The following ZNF799 variants were observed in gnomAD, a reference collection of about 807,000 sequenced individuals.
ZNF799 encodes zinc finger protein 14.
Under a neutral mutation model 41.0 loss-of-function variants are expected in ZNF799, and 28 were observed. The ratio of observed to expected loss-of-function variants is 0.68; its 90% CI spans 0.51 to 0.94. The LOEUF (loss-of-function observed/expected upper bound fraction) is 0.94. ZNF799 is among the 40% of genes least tolerant of loss of function. The pLI is 0.00. For synonymous variants in ZNF799, 213 were observed against 252.9 expected, an observed-to-expected ratio of 0.84 and a Z score of 1.50; for missense variants, 716 against 764.3, an observed-to-expected ratio of 0.94 and a Z score of 0.74.
Position 12,391,191 on chromosome 19 carries a change from C to T in ZNF799, c.1207G>A (p.Val403Ile), listed in dbSNP as rs1231635100. 3 of 1,614,130 alleles carry T rather than the reference C, an allele frequency of 1.9e-6. No homozygotes were observed. The highest frequency in any genetic ancestry group is 1.7e-5 in the Admixed American group (1 of 60,028). ...TGCCTTTGAAATACACTGGGATAAA[C>T]AAAGGCTTTCCCACATATCTTGCAT... ...HKCKICGKAF[V>I]YPSVFQRHEK... Residue 403 changes from valine (V) to isoleucine (I), a missense_variant, in exon 4 of 4, where the codon GTT (valine) becomes ATT (isoleucine). Physicochemically the swap from Val to Ile is conservative, Grantham distance 29 (BLOSUM62 3). This residue lies in a region of ZNF799 where 698 missense variants were observed against 713.6 expected (regional missense o/e 0.98). Transcript: ENST00000430385.
rs1321025182 is a variant in ZNF799 at position 12,390,941 on chromosome 19, C to A, written c.1457G>T (p.Ser486Ile). 1.2e-6 allele frequency: 2 copies of A among 1,612,982 alleles called. No individual in the cohort carries two copies. Among genetic ancestry groups the A allele is most frequent in the South Asian group, 1.1e-5 (1 of 91,008 alleles). The change falls in exon 4 of 4, where the codon AGT (serine) becomes ATT (isoleucine). Residue 486 changes from serine to isoleucine, a missense_variant. Ser to Ile is a moderately radical substitution (Grantham distance 142, BLOSUM62 -2). Coordinates refer to ENST00000430385, the MANE Select transcript of ZNF799 (RefSeq NM_001080821.3). The part of the protein sequence containing the change: ...YECKECGKAF[S>I]CFQYLSQHRR... ...ATGTTGAGAAAGGTATTGGAAACAA[C>A]TGAATGCTTTCCCACATTCCTTACA...
chr19:12,391,100 G>A lies in ZNF799; in HGVS notation c.1298C>T (p.Ser433Phe). The A allele has an allele frequency of 1.2e-6, 2 of 1,614,158 alleles. No individual in the cohort carries two copies. The highest frequency in any genetic ancestry group is 1.7e-6 in the Non-Finnish European group (2 of 1,180,012). ...CKQCGKAYRI[S>F]SSLRRHETTH... Reference sequence around the variant, plus strand: ...TGTTTCATGCCTTCGAAGAGAACTGGAAATACGGTAGGCTTTGCCACATTG... The same window carrying A: ...TGTTTCATGCCTTCGAAGAGAACTGAAAATACGGTAGGCTTTGCCACATTG... Residue 433 changes from serine (S) to phenylalanine (F), a missense_variant, in exon 4 of 4, where the codon TCC becomes TTC. By Grantham distance (155) the Ser-to-Phe change is radical. Around this residue, in one of 2 missense-constraint regions of ZNF799, gnomAD observed 698 missense variants for 713.6 expected, o/e 0.98. Coordinates refer to ENST00000430385, the MANE Select transcript of ZNF799 (RefSeq NM_001080821.3).
Position 12,393,232 on chromosome 19 carries a change from CA to C in ZNF799, c.130+64del. On this transcript the variant is annotated intron_variant, in intron 2 of 3. Transcript: ENST00000430385. ...CCTTTCCATATTCCAAATCTTTGAA[CA>C]GCACGAATGACCAAGAAACAAATGT... The C allele has an allele frequency of 3.7e-5, 33 of 902,126 alleles. 10 individuals carry two copies. Among genetic ancestry groups the C allele is most frequent in the Non-Finnish European group, 5.5e-5 (32 of 583,360 alleles). 55.9% of individuals were successfully genotyped at this position (902,126 alleles called of 1,614,324 possible).
At chr19:12,394,210 C>T (rs184461297) in intron 1 of ZNF799, 2 of 152,336 alleles carry the variant, frequency 1.3e-5, no homozygotes, top group African/African-American at 4.8e-5. Context: ...CTGAGCTAGA[C>T]ACTCAGCTCC....
Position 12,390,400 on chromosome 19 carries a change from A to T in ZNF799, c.*66T>A, listed in dbSNP as rs995631402. On this transcript the variant is annotated 3_prime_UTR_variant, in exon 4 of 4. Coordinates refer to ENST00000430385, the MANE Select transcript of ZNF799 (RefSeq NM_001080821.3). ...AGGGTCTATCTCCAATGTGTTTCGT[A>T]CAAGTATCTGAAATGAAATAAAATT... 5 of 1,603,954 alleles carry T rather than the reference A, an allele frequency of 3.1e-6. No individual in the cohort carries two copies. The highest frequency in any genetic ancestry group is 2.7e-5 in the African/African-American group (2 of 74,382).
At chr19:12,402,416 C>CTTTTTTTTTTTTTTTT (rs745521629), upstream of ZNF799, among the ~76,000 whole-genome samples, 5 of 125,032 alleles carry the variant, frequency 4.0e-5, no homozygotes, top group Admixed American at 8.8e-5. Context: ...CCCTTTATTT[C>CTTTTTTTTTTTTTTTT]TTTTTTTTTT....
chr19:12,401,821 A>T (rs1969993675), upstream of ZNF799, among the ~76,000 whole-genome samples: 1 of 151,834 alleles, frequency 6.6e-6, no homozygotes, highest in African/African-American at 2.4e-5. Flanking sequence ...TGATCCGCCC[A>T]CCTTGGCCTC....
chr19:12,397,263 T>C (rs1158610397), intron 1 of ZNF799, among the ~76,000 whole-genome samples: 1 of 152,008 alleles, frequency 6.6e-6, no homozygotes, highest in Admixed American at 6.6e-5. Flanking sequence ...AATAAAATGT[T>C]AAGAAACAAC....
chr19:12,392,292 C>G, intron 3 of ZNF799, 86 bp from the exon 4 acceptor site: 1 of 1,503,848 alleles, frequency 6.6e-7, no homozygotes, highest in African/African-American at 1.4e-5. Flanking sequence ...ACATTTTTAA[C>G]ACTATCATGC....
rs373387526 is a variant in ZNF799 at position 12,401,075 on chromosome 19, C to G, written c.-5G>C. On this transcript the variant is annotated 5_prime_UTR_variant, in exon 1 of 4. Coordinates refer to ENST00000430385, the MANE Select transcript of ZNF799 (RefSeq NM_001080821.3). ...CCGGCCCAGCACACGCACCATTTCC[C>G]GACTTCCGCGGTGTCCCAGGTCCTC... 2 of 1,613,862 alleles carry G rather than the reference C, an allele frequency of 1.2e-6. No homozygotes were observed. Among genetic ancestry groups the G allele is most frequent in the African/African-American group, 1.3e-5 (1 of 74,950 alleles).
upstream of ZNF799, among the ~76,000 whole-genome samples, chr19:12,405,003 G>T (rs759630663): frequency 5.3e-5 from 8 of 152,122 alleles, no homozygotes; most frequent in Non-Finnish European, 1.0e-4. Context: ...TCAGCTGCCA[G>T]CGAATATAAA....
intron 1 of ZNF799, among the ~76,000 whole-genome samples, chr19:12,400,134 T>TGA (rs1290519351): frequency 6.6e-6 from 1 of 152,040 alleles, no homozygotes; most frequent in Non-Finnish European, 1.5e-5. Flanking sequence ...GGAGTCAGGA[T>TGA]GAGAGAACAC....
rs1040331817 is a variant in ZNF799, at chr19:12,393,704, T to C, written c.4-281A>G. 9 of 1,224,924 alleles carry C rather than the reference T, an allele frequency of 7.3e-6. No individual in the cohort carries two copies. In the Admixed American group the frequency reaches 1.5e-4, roughly 20 times the overall value. 75.9% of individuals were successfully genotyped at this position (1,224,924 alleles called of 1,614,324 possible). On this transcript the variant is annotated intron_variant, in intron 1 of 3. Transcript: ENST00000430385. ...TAGCCTGGATCACCCCTAATGTTGA[T>C]TTCCACAGTGGGTCTGCAGTCCTTG...
intron 1 of ZNF799, among the ~76,000 whole-genome samples, chr19:12,399,790 C>T (rs2144906807): frequency 6.6e-6 from 1 of 151,906 alleles, no homozygotes; most frequent in African/African-American, 2.4e-5. Context: ...ACTACAGGTG[C>T]CAGCTACCAA....
At position 12,391,039 on chromosome 19, in the gene ZNF799, A is replaced by G. The variant is rs1284898213; in HGVS notation, c.1359T>C (p.Cys453=). Residue 453 remains cysteine (C), a synonymous_variant, in exon 4 of 4, where the codon TGT becomes TGC. Coordinates refer to ENST00000430385, the MANE Select transcript of ZNF799 (RefSeq NM_001080821.3). The part of the protein sequence containing the change: ...HTGEKPYKCK[C]GKAFIDFYSF... ...AATAGAAATCAATAAAGGCTTTCCC[A>G]CATTTGCATTTATAGGGTTTCTCTC... 1.7e-5 allele frequency: 27 copies of G among 1,614,162 alleles called. No individual in the cohort carries two copies. The highest frequency in any genetic ancestry group is 2.3e-5 in the Non-Finnish European group (27 of 1,180,014).
chr19:12,398,932 A>C (rs1295996212), intron 1 of ZNF799, among the ~76,000 whole-genome samples: 1 of 152,234 alleles, frequency 6.6e-6, no homozygotes, highest in Non-Finnish European at 1.5e-5. Context: ...AAAATGGAAT[A>C]GAAGATTACA....
upstream of ZNF799, among the ~76,000 whole-genome samples, chr19:12,405,687 A>C (rs886539412): frequency 3.3e-5 from 5 of 152,240 alleles, no homozygotes; most frequent in African/African-American, 1.2e-4. Context: ...CAGTCTCTGC[A>C]AACACAGTTT....
chr19:12,406,829 G>C, the ZNF799 span, among the ~76,000 whole-genome samples: 1 of 152,290 alleles, frequency 6.6e-6, no homozygotes, highest in South Asian at 2.1e-4. Flanking sequence ...GAACCCCGGA[G>C]GCGGAGCTTG....
Position 12,395,714 on chromosome 19 carries a change from G to A in ZNF799, c.4-2291C>T, listed in dbSNP as rs921233977. Among the ~76,000 whole-genome samples, 130 of 152,148 alleles carry A rather than the reference G, an allele frequency of 8.5e-4. 1 individual carries two copies. Among genetic ancestry groups the A allele is most frequent in the African/African-American group, 2.9e-3 (119 of 41,452 alleles). On this transcript the variant is annotated intron_variant, in intron 1 of 3. Coordinates refer to ENST00000430385, the MANE Select transcript of ZNF799 (RefSeq NM_001080821.3). ...CAGTAAAGAACACATTTTCACAAAA[G>A]ACACCGGAGAAGAAACCCTCATTTT...
Sources: allele counts gnomAD v4.1 joint callset (sites outside exome capture counted in the v4.1 genomes callset), GRCh38; gene constraint gnomAD v4.1.1; regional missense constraint gnomAD v4.1.1; transcripts MANE v1.5; gene names NCBI Gene and HGNC (gene_info 2026-07-23, HGNC 2026-07-21).